Variants in PAPOLG observed in about 807,000 individuals in gnomAD.
The protein encoded by PAPOLG is PAP-gamma.
A neutral mutation model predicts 99.0 loss-of-function variants in PAPOLG; 40 were observed. The ratio of observed to expected loss-of-function variants is 0.40; its 90% CI spans 0.31 to 0.53. The LOEUF (loss-of-function observed/expected upper bound fraction) is 0.53. Ranked by LOEUF, PAPOLG falls within the 20% of genes least tolerant of loss-of-function variation. PAPOLG has a pLI of 0.41. For synonymous variants in PAPOLG, 310 were observed against 299.3 expected, an observed-to-expected ratio of 1.04 and a Z score of -0.37; for missense variants, 675 against 884.1, an observed-to-expected ratio of 0.76 and a Z score of 3.00.
chr2:60,782,558 A>C, intron 11 of PAPOLG, 128 bp from the exon 12 acceptor site: 8 of 1,300,982 alleles, frequency 6.1e-6, no homozygotes, highest in Non-Finnish European at 7.7e-6. Flanking sequence ...CTCTGTCTCA[A>C]AAAAAGAAAA....
chr2:60,763,221 A>C (rs897044270), intron 3 of PAPOLG, among the ~76,000 whole-genome samples: 3 of 151,946 alleles, frequency 2.0e-5, no homozygotes, highest in African/African-American at 7.3e-5. Context: ...GAACTGTAGG[A>C]ATGCACAATT....
chr2:60,766,230 T>G (rs1258927888), intron 3 of PAPOLG, among the ~76,000 whole-genome samples: 1 of 152,092 alleles, frequency 6.6e-6, no homozygotes, highest in East Asian at 1.9e-4. Context: ...AAGAAGTCAG[T>G]AAATATAGCA....
chr2:60,760,639 C>G (rs924281959), intron 2 of PAPOLG, among the ~76,000 whole-genome samples: 4 of 152,130 alleles, frequency 2.6e-5, no homozygotes, highest in African/African-American at 9.7e-5. Flanking sequence ...GAAAAGTGTT[C>G]TAGGCAGAAC....
intron 19 of PAPOLG, 75 bp downstream of exon 19, chr2:60,794,266 A>G: frequency 1.4e-6 from 2 of 1,403,048 alleles, no homozygotes; most frequent in Non-Finnish European, 1.9e-6. Flanking sequence ...AATTTTCCAT[A>G]GCTGTTGGTG....
chr2:60,770,623 T>A, intron 6 of PAPOLG, 112 bp downstream of exon 6: 2 of 194,856 alleles, frequency 1.0e-5, no homozygotes, highest in Non-Finnish European at 2.0e-5. Context: ...AAGTAATCTC[T>A]TTTTTTTTTT....
At position 60,760,292 on chromosome 2, in the gene PAPOLG, A is replaced by G. The variant is rs1301261998; in HGVS notation, c.176A>G (p.His59Arg). ...GVFEDEEELN[H>R]RLVVLGKLNN... ...TTTGAAGATGAGGAAGAATTGAACC[A>G]CAGGTATGTCATTGAAAACCATAAA... is the stretch of plus-strand genomic sequence containing the variant. The change falls in exon 2 of 22, where the codon CAC becomes CGC. Residue 59 changes from histidine (H) to arginine (R), a missense_variant. This residue lies in a region of PAPOLG where 149 missense variants were observed against 192.1 expected (regional missense o/e 0.78). Transcript: ENST00000238714. 1 of 1,609,822 alleles carries G rather than the reference A, an allele frequency of 6.2e-7. No individual in the cohort carries two copies. Among genetic ancestry groups the G allele is most frequent in the Admixed American group, 1.7e-5 (1 of 59,220 alleles).
rs1020952027 is a variant in PAPOLG, at chr2:60,794,790, A to T, written c.2055+15A>T. The T allele has an allele frequency of 9.5e-6, 15 of 1,579,064 alleles. No individual in the cohort carries two copies. The highest frequency in any genetic ancestry group is 1.2e-5 in the Non-Finnish European group (14 of 1,148,798). ...GAAAATCAGTGGTAAATATATTAAT[A>T]GTGTGCTTCAGAATATTTATTGTAA... On this transcript the variant is annotated intron_variant, in intron 20 of 21. Coordinates refer to ENST00000238714, the MANE Select transcript of PAPOLG (RefSeq NM_022894.4).
rs200680578 is a variant in PAPOLG, at chr2:60,794,227, A to G, written c.1989+36A>G. ...AACTTTAGTGGTAATTCAGTAGTTG[A>G]TATTTTTTATAGTTAATACTAAAGA... On this transcript the variant is annotated intron_variant, in intron 19 of 21. Transcript: ENST00000238714. The G allele has an allele frequency of 2.5e-6, 4 of 1,570,356 alleles. No homozygotes were observed. In the East Asian group the frequency reaches 6.8e-5, roughly 27 times the overall value.
At chr2:60,777,518 T>G (rs1252322308) in intron 8 of PAPOLG, among the ~76,000 whole-genome samples, 1 of 152,190 alleles carries the variant, frequency 6.6e-6, no homozygotes, top group East Asian at 1.9e-4. Context: ...CATTCCTATA[T>G]TCACTGGAGA....
intron 6 of PAPOLG, among the ~76,000 whole-genome samples, chr2:60,770,737 C>G (rs1670827969): frequency 6.6e-6 from 1 of 151,998 alleles, no homozygotes; most frequent in Non-Finnish European, 1.5e-5. Context: ...GATCCTTCCA[C>G]CTGAGCCTCC....
Position 60,792,155 on chromosome 2 carries a change from C to G in PAPOLG, c.1545C>G (p.Ser515Arg), listed in dbSNP as rs1203795555. The change falls in exon 17 of 22, where the codon AGC becomes AGG. Residue 515 changes from serine to arginine, a missense_variant. Around this residue, in one of 3 missense-constraint regions of PAPOLG, gnomAD observed 413 missense variants for 460.5 expected, o/e 0.90. Transcript: ENST00000238714. ...KKQSLSDVNR[S>R]SGGLQSKRLS... ...AAAGTCTCTCTGATGTCAATCGAAG[C>G]TCGGGCGGACTTCAATCCAAAAGAT... The G allele has an allele frequency of 6.3e-7, 1 of 1,591,114 alleles. No individual in the cohort carries two copies. Among genetic ancestry groups the G allele is most frequent in the Non-Finnish European group, 8.5e-7 (1 of 1,174,336 alleles).
At chr2:60,785,385 C>G (rs569157728) in intron 13 of PAPOLG, among the ~76,000 whole-genome samples, 1 of 152,230 alleles carries the variant, frequency 6.6e-6, no homozygotes, top group Non-Finnish European at 1.5e-5. Context: ...GATGCACCCA[C>G]CTTGGCCTCC....
chr2:60,801,227 C>T lies in PAPOLG; in HGVS notation c.*4067C>T, dbSNP rs1391598033. On this transcript the variant is annotated 3_prime_UTR_variant, in exon 22 of 22. Coordinates refer to ENST00000238714, the MANE Select transcript of PAPOLG (RefSeq NM_022894.4). ...TTCAGGCCAGAACAAACTAAACAGA[C>T]CAATAAATATAAAAGTGATAGTTTA... 6.6e-6 allele frequency: 1 copy of T among 151,228 alleles called. No individual in the cohort carries two copies. The highest frequency in any genetic ancestry group is 2.4e-5 in the African/African-American group (1 of 41,062). 9.4% of individuals were successfully genotyped at this position (151,228 alleles called of 1,614,324 possible).
chr2:60,781,019 T>C (rs1475368831), intron 10 of PAPOLG, among the ~76,000 whole-genome samples: 1 of 152,206 alleles, frequency 6.6e-6, no homozygotes, highest in African/African-American at 2.4e-5. Context: ...GGGTGTCTTA[T>C]GGACAGTGTC....
intron 8 of PAPOLG, 173 bp from the exon 9 acceptor site, chr2:60,779,464 T>G (rs1671125680): frequency 3.2e-6 from 2 of 622,780 alleles, no homozygotes; most frequent in Admixed American, 3.1e-5. Context: ...GAAGGTCTGC[T>G]TATCAGTTTT....
chr2:60,776,417 C>CTTTTTTT (rs1491032001), intron 8 of PAPOLG, among the ~76,000 whole-genome samples: 2 of 121,530 alleles, frequency 1.6e-5, no homozygotes, highest in African/African-American at 3.2e-5. Flanking sequence ...GCATTGGCTT[C>CTTTTTTT]ATTTTTTTTT....
chr2:60,786,801 A>C (rs1186030210), intron 13 of PAPOLG, 146 bp from the exon 14 acceptor site: 2 of 834,334 alleles, frequency 2.4e-6, no homozygotes, highest in Non-Finnish European at 3.5e-6. Flanking sequence ...AAGTGCTGGG[A>C]GTACAGATGT....
At chr2:60,768,447 T>C in intron 3 of PAPOLG, 23 bp from the exon 4 acceptor site, 1 of 1,610,508 alleles carries the variant, frequency 6.2e-7, no homozygotes. Flanking sequence ...TAATTGAATG[T>C]CTTCCGCTTA....
At position 60,795,034 on chromosome 2, in the gene PAPOLG, C is replaced by G. The variant is rs1250392626; in HGVS notation, c.2112+14C>G. On this transcript the variant is annotated intron_variant, in intron 21 of 21. Transcript: ENST00000238714. ...TCACGCAAAAAGGTAACAAGATAGT[C>G]TTGTTCATAGGTACAGTACATAGGT... is the stretch of plus-strand genomic sequence containing the variant. 6.3e-7 allele frequency: 1 copy of G among 1,596,972 alleles called. No homozygotes were observed. Among genetic ancestry groups the G allele is most frequent in the Admixed American group, 1.7e-5 (1 of 59,716 alleles).
Sources: gnomAD v4.1 joint callset for allele counts (sites outside exome capture counted in the v4.1 genomes callset) on GRCh38, gnomAD v4.1.1 for gene constraint, gnomAD v4.1.1 regional missense constraint, MANE v1.5 for transcripts, NCBI Gene and HGNC (gene_info 2026-07-23, HGNC 2026-07-21) for gene names.